Variants in CIB4 observed in about 807,000 individuals in gnomAD.
The protein encoded by CIB4 is calcium and integrin binding family member 4.
CIB4 carries 25 observed loss-of-function variants against 25.8 expected under a neutral mutation model. That is an observed-to-expected ratio of 0.97 (90% CI 0.71 to 1.35). CIB4 has a LOEUF of 1.35. Among genes scored for constraint, CIB4 ranks in the 40% most tolerant of loss-of-function variants. The pLI, the probability that CIB4 is intolerant of heterozygous loss-of-function variation, is 0.00. For synonymous variants in CIB4, 75 were observed against 81.4 expected, an observed-to-expected ratio of 0.92 and a Z score of 0.42; for missense variants, 235 against 228.2, an observed-to-expected ratio of 1.03 and a Z score of -0.19.
chr2:26,589,110 C>T (rs1668531969), intron 4 of CIB4, among the ~76,000 whole-genome samples: 1 of 100,124 alleles, frequency 1.0e-5, no homozygotes, highest in African/African-American at 5.2e-5. Flanking sequence ...TCTTCTTCCT[C>T]TTCTTCTTCT....
At chr2:26,632,167 G>C (rs1009385888) in intron 2 of CIB4, among the ~76,000 whole-genome samples, 1 of 152,226 alleles carries the variant, frequency 6.6e-6, no homozygotes, top group Non-Finnish European at 1.5e-5. Flanking sequence ...GTCTGATGGA[G>C]AGCCAGCCTC....
intron 4 of CIB4, among the ~76,000 whole-genome samples, chr2:26,591,736 G>A (rs1668590038): frequency 6.6e-6 from 1 of 152,178 alleles, no homozygotes. Context: ...ACTCCATCTT[G>A]CCAGTGGGGT....
chr2:26,631,273 G>C (rs912501698), intron 2 of CIB4, among the ~76,000 whole-genome samples: 3 of 152,116 alleles, frequency 2.0e-5, no homozygotes, highest in African/African-American at 7.2e-5. Context: ...CCAAGAGTTT[G>C]AGACCACCCT....
intron 3 of CIB4, among the ~76,000 whole-genome samples, chr2:26,608,203 G>A (rs1272461912): frequency 6.8e-6 from 1 of 146,602 alleles, no homozygotes; most frequent in East Asian, 2.0e-4. Flanking sequence ...TTGCACCACT[G>A]CACTCCAGCC....
intron 3 of CIB4, among the ~76,000 whole-genome samples, chr2:26,609,368 C>T (rs1668953457): frequency 6.6e-6 from 1 of 151,796 alleles, no homozygotes; most frequent in South Asian, 2.1e-4. Context: ...CTTACAGAGA[C>T]CACCTCCCTC....
intron 2 of CIB4, among the ~76,000 whole-genome samples, chr2:26,639,189 A>G (rs1426043600): frequency 6.6e-6 from 1 of 150,636 alleles, no homozygotes. Flanking sequence ...CACTATTTGA[A>G]TTTTCTTTTT....
chr2:26,601,638 C>T (rs551706383), intron 3 of CIB4, among the ~76,000 whole-genome samples: 1 of 151,664 alleles, frequency 6.6e-6, no homozygotes, highest in East Asian at 1.9e-4. Context: ...TACAAAAGCA[C>T]AAACCATAGG....
In CIB4 at chr2:26,629,402, G is replaced by T; in HGVS notation, c.186+8C>A. ...CTGCCCTTGCCCCACCCACCATCCT[G>T]GACTCACCCGCAGAGCTGGCAGGGA... On this transcript the variant is annotated splice_region_variant and intron_variant, in intron 3 of 6. Coordinates refer to ENST00000288861, the MANE Select transcript of CIB4 (RefSeq NM_001029881.3). The T allele has an allele frequency of 1.9e-6, 3 of 1,559,072 alleles. No individual in the cohort carries two copies. The South Asian group carries it at 3.5e-5, about 18-fold the overall frequency.
chr2:26,610,269 T>C (rs1228792189), intron 3 of CIB4, among the ~76,000 whole-genome samples: 1 of 152,160 alleles, frequency 6.6e-6, no homozygotes, highest in Non-Finnish European at 1.5e-5. Flanking sequence ...ATCAAACACA[T>C]CTAAGCAACA....
intron 2 of CIB4, among the ~76,000 whole-genome samples, chr2:26,637,799 G>A (rs889617498): frequency 6.6e-6 from 1 of 152,150 alleles, no homozygotes; most frequent in Non-Finnish European, 1.5e-5. Flanking sequence ...CCAGGCTGTG[G>A]TCTCCTGGGT....
intron 3 of CIB4, among the ~76,000 whole-genome samples, chr2:26,599,823 C>T (rs1396733853): frequency 6.6e-6 from 1 of 152,046 alleles, no homozygotes; most frequent in East Asian, 1.9e-4. Context: ...ACCTGTAATC[C>T]GAGCACTTTG....
intron 2 of CIB4, among the ~76,000 whole-genome samples, chr2:26,634,502 A>G (rs139079127): frequency 6.6e-6 from 1 of 152,370 alleles, no homozygotes; most frequent in Non-Finnish European, 1.5e-5. Context: ...TATTGCTCTA[A>G]CAATGACAGA....
In CIB4 at chr2:26,597,201, T is replaced by C. The variant is rs150466628; in HGVS notation, c.187-1884A>G. ...CTGACCTGTTTGGATATTGTCCAAA[T>C]AAAGAATGTCAGTGGATTTTGAATC... is the stretch of plus-strand genomic sequence containing the variant. On this transcript the variant is annotated intron_variant, in intron 3 of 6. Transcript: ENST00000288861. Among the ~76,000 whole-genome samples the C allele has an allele frequency of 1.3e-3, 191 of 152,256 alleles. 1 individual carries two copies. Among genetic ancestry groups the C allele is most frequent in the African/African-American group, 4.4e-3 (184 of 41,558 alleles).
chr2:26,635,316 C>T (rs1264545042), intron 2 of CIB4, among the ~76,000 whole-genome samples: 2 of 152,202 alleles, frequency 1.3e-5, no homozygotes, highest in African/African-American at 2.4e-5. Context: ...CCACCAGCCC[C>T]CAGGAGGTGT....
chr2:26,628,697 G>A (rs1168854289), intron 3 of CIB4, among the ~76,000 whole-genome samples: 1 of 152,240 alleles, frequency 6.6e-6, no homozygotes, highest in Admixed American at 6.5e-5. Context: ...GAAAAAGGCA[G>A]GTTGGGAGGA....
chr2:26,632,248 T>C (rs1207106349), intron 2 of CIB4, among the ~76,000 whole-genome samples: 1 of 152,116 alleles, frequency 6.6e-6, no homozygotes, highest in African/African-American at 2.4e-5. Flanking sequence ...GTGGTGTTCA[T>C]GGAGAGCACC....
At chr2:26,596,721 T>C (rs1290253558) in intron 3 of CIB4, among the ~76,000 whole-genome samples, 1 of 147,244 alleles carries the variant, frequency 6.8e-6, no homozygotes, top group Non-Finnish European at 1.5e-5. Context: ...CCCTCCAGCC[T>C]GGGCAAAAAG....
chr2:26,581,342 T>G lies in CIB4; in HGVS notation c.*21A>C, dbSNP rs530236050. The G allele has an allele frequency of 4.3e-5, 69 of 1,608,118 alleles. No homozygotes were observed. Among genetic ancestry groups the G allele is most frequent in the Non-Finnish European group, 5.6e-5 (66 of 1,174,816 alleles). ...CCTGTGGTCTCCCTCGAGGCTGCCA[T>G]GTCAGGTGTTTGCCGCTACATCAGC... is the stretch of plus-strand genomic sequence containing the variant. On this transcript the variant is annotated 3_prime_UTR_variant, in exon 7 of 7. Transcript: ENST00000288861.
intron 3 of CIB4, among the ~76,000 whole-genome samples, chr2:26,602,722 A>C (rs2148203845): frequency 6.6e-6 from 1 of 152,318 alleles, no homozygotes; most frequent in East Asian, 1.9e-4. Context: ...TATCACCAGT[A>C]ATAGGTCATG....
Sources: gnomAD v4.1 joint callset for allele counts (sites outside exome capture counted in the v4.1 genomes callset) on GRCh38, gnomAD v4.1.1 for gene constraint, MANE v1.5 for transcripts, NCBI Gene and HGNC (gene_info 2026-07-23, HGNC 2026-07-21) for gene names.